ZNF136: variants seen among roughly 807,000 people sequenced by gnomAD.
ZNF136 encodes the protein zinc finger protein 136, also known as zinc finger protein 136 (clone pHZ-20).
In ZNF136, 8 loss-of-function variants were observed where a neutral mutation model predicts 11.4. The observed-to-expected ratio is 0.70, with a 90% confidence interval of 0.41 to 1.27. The LOEUF is 1.27. Ranked by LOEUF, ZNF136 falls within the 50% of genes most tolerant of loss-of-function variation. The pLI, the probability that ZNF136 is intolerant of heterozygous loss-of-function variation, is 0.01. For missense variants in ZNF136, 590 were observed against 656.5 expected (o/e 0.90, Z 1.11); for synonymous variants, 190 against 207.1 (o/e 0.92, Z 0.71).
At chr19:12,170,604 A>G (rs73502028) in intron 1 of ZNF136, among the ~76,000 whole-genome samples, 2,513 of 151,800 alleles carry the variant, frequency 0.017, 56 homozygotes, top group African/African-American at 0.058. Context: ...CCCAGCACTC[A>G]AACCCTTGGG....
chr19:12,175,409 C>T (rs1914766341), intron 1 of ZNF136, among the ~76,000 whole-genome samples: 1 of 152,000 alleles, frequency 6.6e-6, no homozygotes, highest in Non-Finnish European at 1.5e-5. Flanking sequence ...TGGCCAGGCT[C>T]GTCTCAAACT....
rs930655173 is a variant in ZNF136, at chr19:12,188,060, T to C, written c.*59T>C. On this transcript the variant is annotated 3_prime_UTR_variant, in exon 4 of 4. Transcript: ENST00000343979. Reference sequence around the variant, plus strand: ...TCACTGAAGAGAAGCCCTATGAATGTAAGTAACGTGGGAAAGCATGAAATT... The same window carrying C: ...TCACTGAAGAGAAGCCCTATGAATGCAAGTAACGTGGGAAAGCATGAAATT... The C allele has an allele frequency of 1.9e-5, 27 of 1,391,972 alleles. No homozygotes were observed. The highest frequency in any genetic ancestry group is 2.5e-5 in the Non-Finnish European group (26 of 1,055,610). 86.2% of individuals were successfully genotyped at this position (1,391,972 alleles called of 1,614,324 possible). A position where few individuals can be genotyped will look rare whatever the true frequency, so the allele number is the denominator to read the frequency against.
intron 1 of ZNF136, among the ~76,000 whole-genome samples, chr19:12,168,468 C>T (rs1191328979): frequency 6.6e-6 from 1 of 151,962 alleles, no homozygotes; most frequent in Non-Finnish European, 1.5e-5. Context: ...GGAGAGCTTC[C>T]TGGTTGGTGA....
intron 1 of ZNF136, among the ~76,000 whole-genome samples, chr19:12,171,926 T>C (rs948617789): frequency 5.9e-5 from 9 of 151,976 alleles, no homozygotes; most frequent in South Asian, 2.1e-4. Flanking sequence ...TTGTAACTTA[T>C]GAAAGTTTGC....
intron 1 of ZNF136, among the ~76,000 whole-genome samples, chr19:12,166,733 A>G (rs1356442237): frequency 2.0e-5 from 3 of 152,232 alleles, no homozygotes; most frequent in Non-Finnish European, 4.4e-5. Context: ...CTGTTCAGCT[A>G]TGATGTAAAT....
chr19:12,185,590 C>T, intron 1 of ZNF136, 195 bp from the exon 2 acceptor site: 1 of 591,078 alleles, frequency 1.7e-6, no homozygotes, highest in Non-Finnish European at 2.7e-6. Context: ...GATGATCAGA[C>T]ACTGCTATTG....
rs750421338 is a variant in ZNF136 at position 12,187,735 on chromosome 19, T to C, written c.1357T>C (p.Cys453Arg). 3 of 1,613,702 alleles carry C rather than the reference T, an allele frequency of 1.9e-6. No homozygotes were observed. The highest frequency in any genetic ancestry group is 1.7e-6 in the Non-Finnish European group (2 of 1,179,910). ...TGEKPYECKQ[C>R]GKAFSYLNSF... The stretch of plus-strand genomic sequence containing the variant: ...AGAGAAACCCTATGAGTGTAAGCAA[T>C]GTGGGAAAGCCTTCAGTTATCTCAA... The change falls in exon 4 of 4, where the codon TGT becomes CGT. Residue 453 changes from cysteine (C) to arginine (R), a missense_variant. Transcript: ENST00000343979.
In ZNF136 at chr19:12,179,037, A is replaced by G. The variant is rs547336847; in HGVS notation, c.4-6748A>G. Among the ~76,000 whole-genome samples the G allele has an allele frequency of 8.9e-4, 136 of 152,194 alleles. 1 individual carries two copies. Among genetic ancestry groups the G allele is most frequent in the African/African-American group, 3.1e-3 (129 of 41,546 alleles). On this transcript the variant is annotated intron_variant, in intron 1 of 3. Transcript: ENST00000343979. ...GAAAAAAAAAAAAGAAAAATTGTGA[A>G]TCAATATTCTGTGCATACAATTTTA... is the stretch of plus-strand genomic sequence containing the variant.
At chr19:12,171,613 A>G (rs989071131) in intron 1 of ZNF136, among the ~76,000 whole-genome samples, 1 of 151,426 alleles carries the variant, frequency 6.6e-6, no homozygotes, top group Non-Finnish European at 1.5e-5. Flanking sequence ...TTTTTCATTT[A>G]TAGGGATTGC....
intron 1 of ZNF136, among the ~76,000 whole-genome samples, chr19:12,174,926 C>T (rs900229954): frequency 7.1e-6 from 1 of 141,326 alleles, no homozygotes; most frequent in Non-Finnish European, 1.5e-5. Context: ...GGTGTGATCT[C>T]AGCTCACTGC....
intron 1 of ZNF136, among the ~76,000 whole-genome samples, chr19:12,172,397 C>A (rs1019082031): frequency 2.6e-5 from 4 of 152,174 alleles, no homozygotes; most frequent in African/African-American, 7.2e-5. Context: ...TTTCTTCATT[C>A]TGTTGGAGGG....
At chr19:12,180,943 C>T (rs939001943) in intron 1 of ZNF136, among the ~76,000 whole-genome samples, 9 of 152,196 alleles carry the variant, frequency 5.9e-5, no homozygotes, top group African/African-American at 1.4e-4. Context: ...GCCACAGGGG[C>T]GGAGCCTGAA....
intron 1 of ZNF136, among the ~76,000 whole-genome samples, chr19:12,166,627 C>G (rs181711801): frequency 2.6e-5 from 4 of 152,140 alleles, no homozygotes; most frequent in African/African-American, 9.7e-5. Flanking sequence ...ACTAGGAATC[C>G]TCTAATAGGA....
Position 12,187,008 on chromosome 19 carries a change from A to G in ZNF136, c.630A>G (p.Arg210=). 3 of 1,614,114 alleles carry G rather than the reference A, an allele frequency of 1.9e-6. No individual in the cohort carries two copies. The highest frequency in any genetic ancestry group is 1.1e-5 in the South Asian group (1 of 91,080). Residue 210 remains arginine, a synonymous_variant, in exon 4 of 4, where the codon AGA becomes AGG. Coordinates refer to ENST00000343979, the MANE Select transcript of ZNF136 (RefSeq NM_003437.5). The part of the protein sequence containing the change: ...VCGKAFDYPS[R]FRTHERSHTG... ...GGAAAGCTTTTGATTATCCCAGTAG[A>G]TTTCGAACACATGAAAGAAGTCACA...
intron 1 of ZNF136, among the ~76,000 whole-genome samples, chr19:12,173,323 C>G (rs759256391): frequency 6.6e-6 from 1 of 152,130 alleles, no homozygotes; most frequent in Non-Finnish European, 1.5e-5. Context: ...TGCAGTTCTA[C>G]GGGGTGTTCC....
At chr19:12,174,120 G>T (rs982834734) in intron 1 of ZNF136, among the ~76,000 whole-genome samples, 1 of 152,082 alleles carries the variant, frequency 6.6e-6, no homozygotes, top group Non-Finnish European at 1.5e-5. Flanking sequence ...GGTCAGGCTG[G>T]TCTCAATCTC....
intron 1 of ZNF136, among the ~76,000 whole-genome samples, chr19:12,170,825 A>G (rs1599453224): frequency 6.7e-6 from 1 of 148,324 alleles, no homozygotes; most frequent in Non-Finnish European, 1.5e-5. Flanking sequence ...ACATGCCACC[A>G]CACCCAGCTA....
chr19:12,163,122 C>T lies in ZNF136; in HGVS notation c.-82C>T. 1.5e-6 allele frequency: 2 copies of T among 1,369,778 alleles called. No homozygotes were observed. Among genetic ancestry groups the T allele is most frequent in the Non-Finnish European group, 1.9e-6 (2 of 1,050,906 alleles). 84.9% of individuals were successfully genotyped at this position (1,369,778 alleles called of 1,614,324 possible). On this transcript the variant is annotated 5_prime_UTR_variant, in exon 1 of 4. Coordinates refer to ENST00000343979, the MANE Select transcript of ZNF136 (RefSeq NM_003437.5). ...CTAGTCCCAGAGGCCCAGAGTGGCT[C>T]GCCTGGAGTCTCTGTGGCGCGGTTT...
intron 1 of ZNF136, among the ~76,000 whole-genome samples, chr19:12,181,003 C>T (rs1568402112): frequency 6.6e-6 from 1 of 152,236 alleles, no homozygotes; most frequent in Non-Finnish European, 1.5e-5. Flanking sequence ...ATTGTCCAAT[C>T]AGGCGCGCCT....
Sources: gnomAD v4.1 joint callset for allele counts (sites outside exome capture counted in the v4.1 genomes callset) on GRCh38, gnomAD v4.1.1 for gene constraint, MANE v1.5 for transcripts, NCBI Gene and HGNC (gene_info 2026-07-23, HGNC 2026-07-21) for gene names.